Variants in MTUS1 observed in about 807,000 individuals in gnomAD.
The protein encoded by MTUS1 is microtubule associated scaffold protein 1.
MTUS1 carries 109 observed loss-of-function variants against 120.8 expected under a neutral mutation model. The observed-to-expected ratio is 0.90, with a 90% CI of 0.77 to 1.06. The LOEUF (loss-of-function observed/expected upper bound fraction) is 1.06. Among genes scored for constraint, MTUS1 ranks in the 50% least tolerant of loss-of-function variants. The pLI is 0.00. For missense variants in MTUS1, 2,210 were observed against 1,486.3 expected (o/e 1.49, Z -8.01); for synonymous variants, 737 against 550.5 (o/e 1.34, Z -4.74).
chr8:17,755,981 T>A lies in MTUS1; in HGVS notation c.-154-20A>T, dbSNP rs1302472434. 5.8e-6 allele frequency: 8 copies of A among 1,385,910 alleles called. No individual in the cohort carries two copies. Among genetic ancestry groups the A allele is most frequent in the Non-Finnish European group, 7.5e-6 (8 of 1,068,488 alleles). 85.9% of individuals were successfully genotyped at this position (1,385,910 alleles called of 1,614,324 possible). On this transcript the variant is annotated intron_variant, in intron 1 of 14. Transcript: ENST00000693296. ...TGTTCCCTGGAAGAAATAAAATGTT[T>A]AACTCAAGTAACTATAAGAAAAATT...
chr8:17,693,480 C>T (rs999706183), intron 6 of MTUS1: 5 of 152,184 alleles, frequency 3.3e-5, no homozygotes, highest in African/African-American at 1.2e-4. Flanking sequence ...AATGAGAAAG[C>T]TTATTCTGGC....
intron 3 of MTUS1, among the ~76,000 whole-genome samples, chr8:17,726,179 C>A (rs569863611): frequency 2.6e-5 from 4 of 152,296 alleles, no homozygotes; most frequent in African/African-American, 9.6e-5. Flanking sequence ...TACTCATTTG[C>A]AGCTCCACCC....
Position 17,668,257 on chromosome 8 carries a change from G to C in MTUS1, c.2905+6929C>G, listed in dbSNP as rs543765773. 3.9e-5 allele frequency among the ~76,000 whole-genome samples: 6 copies of C among 152,322 alleles called. No homozygotes were observed. In the South Asian group the frequency reaches 1.0e-3, roughly 26 times the overall value. ...CGTCATCAGCTATTTGCTAGTGTTA[G>C]TGCATTTTATGTGTGGCACTAGACA... On this transcript the variant is annotated intron_variant, in intron 8 of 14. Coordinates refer to ENST00000693296, the MANE Select transcript of MTUS1 (RefSeq NM_001363059.2).
intron 1 of MTUS1, among the ~76,000 whole-genome samples, chr8:17,799,805 C>G (rs2052535587): frequency 6.6e-6 from 1 of 152,078 alleles, no homozygotes; most frequent in African/African-American, 2.4e-5. Flanking sequence ...AAACGTGGTG[C>G]AAGTTACATA....
chr8:17,744,120 AT>A (rs781686575), intron 2 of MTUS1, among the ~76,000 whole-genome samples: 20 of 152,122 alleles, frequency 1.3e-4, no homozygotes, highest in Non-Finnish European at 2.4e-4. Context: ...AAATTGAAGT[AT>A]TTTACCCCAA....
intron 2 of MTUS1, among the ~76,000 whole-genome samples, chr8:17,752,660 C>T (rs1307211928): frequency 1.3e-5 from 2 of 152,202 alleles, no homozygotes; most frequent in African/African-American, 2.4e-5. Flanking sequence ...TGAAGACACA[C>T]CTAAGTCAGC....
At chr8:17,689,294 C>CA (rs1186069896) in intron 6 of MTUS1, among the ~76,000 whole-genome samples, 1 of 152,186 alleles carries the variant, frequency 6.6e-6, no homozygotes, top group Admixed American at 6.5e-5. Context: ...TAGGATGCCT[C>CA]ACCATTTAAA....
chr8:17,779,861 C>G (rs897682686), intron 1 of MTUS1, among the ~76,000 whole-genome samples: 2 of 152,228 alleles, frequency 1.3e-5, no homozygotes, highest in African/African-American at 4.8e-5. Flanking sequence ...GATAACAATT[C>G]CCACATACTC....
At chr8:17,741,046 T>A (rs2131249548) in intron 3 of MTUS1, among the ~76,000 whole-genome samples, 1 of 152,152 alleles carries the variant, frequency 6.6e-6, no homozygotes, top group South Asian at 2.1e-4. Context: ...TTTTTTTGTA[T>A]TTTTAGTAGA....
At chr8:17,774,668 A>C (rs2050273398) in intron 1 of MTUS1, among the ~76,000 whole-genome samples, 1 of 152,188 alleles carries the variant, frequency 6.6e-6, no homozygotes, top group Non-Finnish European at 1.5e-5. Context: ...GCAGCTATGG[A>C]AAACAATTCT....
chr8:17,653,512 C>T lies in MTUS1; in HGVS notation c.3215-14G>A, dbSNP rs575424408. ...CTTTCTTAATTTCTGGGAAAATAAACGGATATTTTTGAGGCAATAACATTC... is the reference window on the plus strand; with the variant it reads ...CTTTCTTAATTTCTGGGAAAATAAATGGATATTTTTGAGGCAATAACATTC... On this transcript the variant is annotated splice_polypyrimidine_tract_variant and intron_variant, in intron 10 of 14. Transcript: ENST00000693296. 79 of 1,587,416 alleles carry T rather than the reference C, an allele frequency of 5.0e-5. 1 individual carries two copies. The East Asian group carries it at 9.6e-4, about 19-fold the overall frequency.
intron 3 of MTUS1, among the ~76,000 whole-genome samples, chr8:17,731,413 A>C (rs2046569815): frequency 6.6e-6 from 1 of 152,206 alleles, no homozygotes. Context: ...ATGAATTTAT[A>C]ATTTTAAAAT....
chr8:17,662,458 C>A (rs566898823), intron 8 of MTUS1, among the ~76,000 whole-genome samples: 2 of 147,490 alleles, frequency 1.4e-5, no homozygotes, highest in East Asian at 4.0e-4. Context: ...CGGGTTCATG[C>A]GATTCTCTTG....
In MTUS1 at chr8:17,754,892, C is replaced by CAGAATCAT; in HGVS notation, c.908_915dup (p.Ala306MetfsTer35). 6.2e-7 allele frequency: 1 copy of CAGAATCAT among 1,614,214 alleles called. No individual in the cohort carries two copies. The highest frequency in any genetic ancestry group is 8.5e-7 in the Non-Finnish European group (1 of 1,180,038). On this transcript the variant is annotated frameshift_variant, in exon 2 of 15. Transcript: ENST00000693296. LOFTEE classifies it high-confidence loss of function. Reference sequence around the variant, plus strand: ...GATAAACAAAAGAACTCTTGTAATGCAGAATCATTGGGGACTTCCATGCCA... The same window carrying CAGAATCAT: ...GATAAACAAAAGAACTCTTGTAATGCAGAATCATAGAATCATTGGGGACTTCCATGCCA...
chr8:17,699,228 G>GT (rs1350815980), intron 6 of MTUS1, among the ~76,000 whole-genome samples: 2 of 152,052 alleles, frequency 1.3e-5, no homozygotes, highest in Non-Finnish European at 2.9e-5. Context: ...GTTTTTGTTT[G>GT]TTTTTTGAGA....
intron 14 of MTUS1, among the ~76,000 whole-genome samples, 200 bp from the exon 15 acceptor site, chr8:17,646,339 G>C (rs1805787552): frequency 6.6e-6 from 1 of 152,138 alleles, no homozygotes; most frequent in African/African-American, 2.4e-5. Flanking sequence ...CATAATCCTG[G>C]CACCTTGGGA....
At chr8:17,658,665 G>C (rs1313509595) in intron 8 of MTUS1, among the ~76,000 whole-genome samples, 1 of 152,124 alleles carries the variant, frequency 6.6e-6, no homozygotes, top group East Asian at 1.9e-4. Context: ...TAACATATCA[G>C]GAGTTGAAGG....
intron 8 of MTUS1, among the ~76,000 whole-genome samples, chr8:17,672,519 A>G (rs1241532893): frequency 6.6e-6 from 1 of 152,186 alleles, no homozygotes; most frequent in Non-Finnish European, 1.5e-5. Context: ...TGTCAATGTC[A>G]AAGTTAGTTT....
chr8:17,673,698 T>C (rs1812486863), intron 8 of MTUS1, among the ~76,000 whole-genome samples: 1 of 152,074 alleles, frequency 6.6e-6, no homozygotes, highest in Admixed American at 6.6e-5. Flanking sequence ...CAAGTGATCC[T>C]CCCACCTCAG....
Sources: allele counts gnomAD v4.1 joint callset (sites outside exome capture counted in the v4.1 genomes callset), GRCh38; gene constraint gnomAD v4.1.1; transcripts MANE v1.5; gene names NCBI Gene and HGNC (gene_info 2026-07-23, HGNC 2026-07-21).